PTPN12: variants seen among roughly 807,000 people sequenced by gnomAD.
PTPN12 encodes the protein tyrosine-protein phosphatase non-receptor type 12.
Under a neutral mutation model 97.6 loss-of-function variants are expected in PTPN12, and 29 were observed. The observed-to-expected ratio is 0.30, with a 90% CI of 0.22 to 0.41. The LOEUF is 0.41. Among genes scored for constraint, PTPN12 ranks in the 10% least tolerant of loss-of-function variants. The pLI is 1.00. For missense variants in PTPN12, 819 were observed against 926.0 expected, an observed-to-expected ratio of 0.88 and a Z score of 1.50; for synonymous variants, 327 against 300.4, an observed-to-expected ratio of 1.09 and a Z score of -0.91.
chr7:77,605,007 A>G, intron 8 of PTPN12: 1 of 216,346 alleles, frequency 4.6e-6, no homozygotes. Flanking sequence ...GGTTATCTGT[A>G]TCTTTATGTT....
At chr7:77,617,272 C>T (rs907831384) in intron 11 of PTPN12, among the ~76,000 whole-genome samples, 2 of 152,096 alleles carry the variant, frequency 1.3e-5, no homozygotes, top group Non-Finnish European at 2.9e-5. Context: ...TATATGGTCA[C>T]CCTACCTATA....
chr7:77,567,793 G>A (rs1403569340), intron 1 of PTPN12, among the ~76,000 whole-genome samples: 2 of 152,134 alleles, frequency 1.3e-5, no homozygotes, highest in Non-Finnish European at 2.9e-5. Flanking sequence ...AAGAGTTCCA[G>A]TAATTAGTTC....
intron 1 of PTPN12, among the ~76,000 whole-genome samples, chr7:77,540,978 ACACTC>A (rs1806945100): frequency 6.6e-6 from 1 of 152,240 alleles, no homozygotes; most frequent in Admixed American, 6.5e-5. Flanking sequence ...GTTCAAATGA[ACACTC>A]CACTTGCCTG....
At chr7:77,603,818 G>A (rs976727785) in intron 8 of PTPN12, among the ~76,000 whole-genome samples, 2 of 151,624 alleles carry the variant, frequency 1.3e-5, no homozygotes, top group Non-Finnish European at 2.9e-5. Context: ...TTCTGCCACT[G>A]GCAGTATGTG....
At chr7:77,548,376 C>G (rs1434082929) in intron 1 of PTPN12, among the ~76,000 whole-genome samples, 2 of 152,176 alleles carry the variant, frequency 1.3e-5, no homozygotes, top group Non-Finnish European at 2.9e-5. Flanking sequence ...GAAGGGAGTT[C>G]TAGGTCACAT....
chr7:77,619,213 C>G (rs1222558126), intron 12 of PTPN12, among the ~76,000 whole-genome samples: 2 of 152,072 alleles, frequency 1.3e-5, no homozygotes, highest in African/African-American at 4.8e-5. Flanking sequence ...AAATAAAAAA[C>G]TATTAGAATA....
At chr7:77,559,287 T>G (rs892575843) in intron 1 of PTPN12, among the ~76,000 whole-genome samples, 2 of 152,248 alleles carry the variant, frequency 1.3e-5, no homozygotes, top group Non-Finnish European at 2.9e-5. Flanking sequence ...CTTTGCCTCT[T>G]GTGCCTTTTT....
At chr7:77,561,206 T>A (rs1255617135) in intron 1 of PTPN12, among the ~76,000 whole-genome samples, 19 of 152,194 alleles carry the variant, frequency 1.2e-4, no homozygotes, top group Non-Finnish European at 1.3e-4. Flanking sequence ...GTTATAGTTA[T>A]GAGCCACTGT....
chr7:77,616,514 CAT>C (rs1788756371), intron 11 of PTPN12, among the ~76,000 whole-genome samples: 1 of 152,148 alleles, frequency 6.6e-6, no homozygotes, highest in African/African-American at 2.4e-5. Flanking sequence ...CCAAAGAAAA[CAT>C]AGTTTTGTTT....
At chr7:77,639,062 A>G (rs187053845) in intron 17 of PTPN12, 157 bp from the exon 18 acceptor site, 515 of 658,234 alleles carry the variant, frequency 7.8e-4, no homozygotes, top group Admixed American at 1.7e-3. Context: ...TAAATTTACA[A>G]TTGTTTTGCA....
chr7:77,558,210 C>CA (rs61149538), intron 1 of PTPN12, among the ~76,000 whole-genome samples: 5,198 of 93,324 alleles, frequency 0.056, 160 homozygotes, highest in Non-Finnish European at 0.084. Flanking sequence ...GACTCCATCT[C>CA]AAAAAAAAAA....
chr7:77,630,296 G>T (rs1179287233), intron 13 of PTPN12, among the ~76,000 whole-genome samples: 2 of 152,082 alleles, frequency 1.3e-5, no homozygotes, highest in Admixed American at 6.5e-5. Flanking sequence ...GTTTTGGGGG[G>T]TTTTTTGGTC....
intron 1 of PTPN12, among the ~76,000 whole-genome samples, chr7:77,568,790 TC>T (rs970990397): frequency 6.6e-6 from 1 of 152,200 alleles, no homozygotes; most frequent in African/African-American, 2.4e-5. Flanking sequence ...TATATTCCTT[TC>T]CCCTCTGTGT....
intron 13 of PTPN12, among the ~76,000 whole-genome samples, chr7:77,628,128 TTTTG>T (rs1288030884): frequency 3.3e-5 from 5 of 152,250 alleles, no homozygotes; most frequent in East Asian, 3.8e-4. Flanking sequence ...GATTACATTT[TTTTG>T]TTTGTTTGTT....
chr7:77,605,935 CA>C (rs1788356172), intron 8 of PTPN12, among the ~76,000 whole-genome samples: 1 of 132,318 alleles, frequency 7.6e-6, no homozygotes, highest in Non-Finnish European at 1.6e-5. Flanking sequence ...TACTCTAAAA[CA>C]AGAGCCATCT....
At chr7:77,622,163 T>C (rs1262512084) in intron 12 of PTPN12, among the ~76,000 whole-genome samples, 1 of 152,136 alleles carries the variant, frequency 6.6e-6, no homozygotes, top group Non-Finnish European at 1.5e-5. Context: ...CCTTGTTGCC[T>C]AGGCCAGTTT....
intron 1 of PTPN12, among the ~76,000 whole-genome samples, chr7:77,543,205 T>C (rs182653098): frequency 6.6e-6 from 1 of 151,956 alleles, no homozygotes; most frequent in Non-Finnish European, 1.5e-5. Context: ...AAAAAACAGT[T>C]TGGGTTGGGG....
At chr7:77,628,585 A>G (rs1480700225) in intron 13 of PTPN12, among the ~76,000 whole-genome samples, 2 of 147,964 alleles carry the variant, frequency 1.4e-5, no homozygotes, top group African/African-American at 5.0e-5. Flanking sequence ...TGAGACTTGC[A>G]CTCAAAAGAT....
rs1018192339 is a variant in PTPN12, at chr7:77,638,541, C to A, written c.2174-83C>A. 4 of 1,365,092 alleles carry A rather than the reference C, an allele frequency of 2.9e-6. No individual in the cohort carries two copies. In the African/African-American group the frequency reaches 4.5e-5, roughly 15 times the overall value. 84.6% of individuals were successfully genotyped at this position (1,365,092 alleles called of 1,614,324 possible). A position where few individuals can be genotyped will look rare whatever the true frequency, so the allele number is the denominator to read the frequency against. The stretch of plus-strand genomic sequence containing the variant: ...AGAAAGTTTTCTCTTTTCATGCTTG[C>A]CAACATTTAAAAAATTAAAGAGTTA... On this transcript the variant is annotated intron_variant, in intron 16 of 17. Transcript: ENST00000248594.
Sources: gnomAD v4.1 joint callset for allele counts (sites outside exome capture counted in the v4.1 genomes callset) on GRCh38, gnomAD v4.1.1 for gene constraint, MANE v1.5 for transcripts, NCBI Gene and HGNC (gene_info 2026-07-23, HGNC 2026-07-21) for gene names.